The following EIPR1 variants were observed in gnomAD, a reference collection of about 807,000 sequenced individuals.
The protein encoded by EIPR1 is EARP and GARP complex-interacting protein 1.
A neutral mutation model predicts 48.1 loss-of-function variants in EIPR1; 25 were observed. The ratio of observed to expected loss-of-function variants is 0.52; its 90% CI spans 0.38 to 0.73. EIPR1 has a LOEUF of 0.73. Ranked by LOEUF, EIPR1 falls within the 30% of genes least tolerant of loss-of-function variation. EIPR1 has a pLI of 0.00. For synonymous variants in EIPR1, 204 were observed against 201.9 expected, an observed-to-expected ratio of 1.01 and a Z score of -0.09; for missense variants, 415 against 506.2, an observed-to-expected ratio of 0.82 and a Z score of 1.73.
chr2:3,198,880 C>T (rs1489751382), intron 5 of EIPR1, among the ~76,000 whole-genome samples: 1 of 152,128 alleles, frequency 6.6e-6, no homozygotes, highest in Admixed American at 6.5e-5. Context: ...ACTGTGCTTG[C>T]ATTGTCATTG....
intron 4 of EIPR1, among the ~76,000 whole-genome samples, chr2:3,255,265 C>T (rs755936153): frequency 1.3e-5 from 2 of 151,742 alleles, no homozygotes; most frequent in Non-Finnish European, 2.9e-5. Flanking sequence ...TCACTGCAAC[C>T]TCCGCCTCCC....
chr2:3,297,120 C>A (rs1250576784), intron 3 of EIPR1, among the ~76,000 whole-genome samples: 1 of 152,242 alleles, frequency 6.6e-6, no homozygotes, highest in Non-Finnish European at 1.5e-5. Flanking sequence ...GTGTCTGTGG[C>A]TCCAGCATTT....
At chr2:3,277,110 G>C (rs1055534229) in intron 3 of EIPR1, among the ~76,000 whole-genome samples, 7 of 152,136 alleles carry the variant, frequency 4.6e-5, no homozygotes, top group African/African-American at 1.7e-4. Flanking sequence ...CAAAAACCCT[G>C]CCCATTTAGA....
intron 5 of EIPR1, among the ~76,000 whole-genome samples, chr2:3,211,536 G>A (rs976582792): frequency 6.6e-6 from 1 of 152,216 alleles, no homozygotes; most frequent in Non-Finnish European, 1.5e-5. Context: ...TGCTGCTGTC[G>A]CTAGGAGTGC....
intron 3 of EIPR1, among the ~76,000 whole-genome samples, chr2:3,293,229 G>A (rs1045039987): frequency 2.0e-5 from 3 of 152,174 alleles, no homozygotes; most frequent in African/African-American, 2.4e-5. Context: ...CCCTTGAGCC[G>A]GCCTGCAGCA....
At chr2:3,268,717 C>T (rs1167487268) in intron 3 of EIPR1, among the ~76,000 whole-genome samples, 2 of 152,200 alleles carry the variant, frequency 1.3e-5, no homozygotes, top group South Asian at 2.1e-4. Flanking sequence ...AAGCTTTGGG[C>T]ACCTCAGATA....
rs565468701 is a variant in EIPR1 at position 3,205,264 on chromosome 2, T to A, written c.517-8247A>T. 3.9e-5 allele frequency among the ~76,000 whole-genome samples: 6 copies of A among 152,330 alleles called. No individual in the cohort carries two copies. The South Asian group carries it at 1.0e-3, about 26-fold the overall frequency. On this transcript the variant is annotated intron_variant, in intron 5 of 8. Coordinates refer to ENST00000382125, the MANE Select transcript of EIPR1 (RefSeq NM_003310.5). ...TGCTCTGAGCTGAGCAGGAGGAAAC[T>A]GTTCTCGCCAATGACTAGTTTAGAC...
chr2:3,214,188 G>C lies in EIPR1; in HGVS notation c.477C>G (p.Ile159Met). 6.2e-7 allele frequency: 1 copy of C among 1,613,682 alleles called. No homozygotes were observed. Among genetic ancestry groups the C allele is most frequent in the East Asian group, 2.2e-5 (1 of 44,860 alleles). Residue 159 changes from isoleucine to methionine, a missense_variant, in exon 5 of 9, where the codon ATC becomes ATG. Physicochemically the swap from Ile to Met is conservative, Grantham distance 10. Coordinates refer to ENST00000382125, the MANE Select transcript of EIPR1 (RefSeq NM_003310.5). Reference sequence around the variant, plus strand: ...AGCTTTCCTGTAAATCCCACAGCAGGATATGGTTATCAGCCAAGGAAATGA... The same window carrying C: ...AGCTTTCCTGTAAATCCCACAGCAGCATATGGTTATCAGCCAAGGAAATGA... ...KKIISLADNH[I>M]LLWDLQESSS...
chr2:3,335,137 C>G (rs1033353957), intron 3 of EIPR1, among the ~76,000 whole-genome samples: 3 of 152,234 alleles, frequency 2.0e-5, no homozygotes, highest in African/African-American at 7.2e-5. Context: ...AGAGCCCTGA[C>G]ACAGCCTGGT....
chr2:3,312,484 C>A lies in EIPR1; in HGVS notation c.259+25533G>T, dbSNP rs768355540. ...CTTCTCTCACTGCCTCCAAAATACA[C>A]CCTGTCCAATATTCCATCTCCAGGT... On this transcript the variant is annotated intron_variant, in intron 3 of 8. Transcript: ENST00000382125. This position sits in a 1 kb window ranked among gnomAD's most constrained non-coding sequence, Gnocchi z 5.5. 1.3e-5 allele frequency among the ~76,000 whole-genome samples: 2 copies of A among 152,210 alleles called. No homozygotes were observed. Among genetic ancestry groups the A allele is most frequent in the Non-Finnish European group, 2.9e-5 (2 of 68,034 alleles).
chr2:3,325,752 T>C (rs1340988383), intron 3 of EIPR1, among the ~76,000 whole-genome samples: 1 of 152,258 alleles, frequency 6.6e-6, no homozygotes, highest in African/African-American at 2.4e-5. Context: ...GTTTGCATTC[T>C]ACTTTGTAAC....
At chr2:3,207,154 C>T (rs918692114) in intron 5 of EIPR1, among the ~76,000 whole-genome samples, 1 of 152,146 alleles carries the variant, frequency 6.6e-6, no homozygotes, top group African/African-American at 2.4e-5. Context: ...CCCATCCACG[C>T]GTCCACCCAC....
At chr2:3,371,525 G>C in intron 1 of EIPR1, among the ~76,000 whole-genome samples, 1 of 152,094 alleles carries the variant, frequency 6.6e-6, no homozygotes, top group East Asian at 1.9e-4. Context: ...CAAAATAAAA[G>C]GATGGAGGAA....
chr2:3,230,131 A>G (rs554230238), intron 4 of EIPR1, among the ~76,000 whole-genome samples: 2 of 138,690 alleles, frequency 1.4e-5, no homozygotes, highest in African/African-American at 5.2e-5. Context: ...GGCTTGGTAA[A>G]AGTTATTCCT....
intron 2 of EIPR1, among the ~76,000 whole-genome samples, chr2:3,340,386 C>A (rs572463239): frequency 1.3e-5 from 2 of 152,176 alleles, no homozygotes; most frequent in Non-Finnish European, 2.9e-5. Context: ...CATGCGCGCC[C>A]GCCCTCTCCA....
chr2:3,219,973 A>C (rs1414125793), intron 4 of EIPR1, among the ~76,000 whole-genome samples: 1 of 152,194 alleles, frequency 6.6e-6, no homozygotes, highest in Non-Finnish European at 1.5e-5. Flanking sequence ...TTACAGCCTG[A>C]GCTCTGTCTC....
At chr2:3,230,174 A>G (rs1666197760) in intron 4 of EIPR1, among the ~76,000 whole-genome samples, 1 of 152,070 alleles carries the variant, frequency 6.6e-6, no homozygotes, top group Non-Finnish European at 1.5e-5. Flanking sequence ...TGTAAATGGA[A>G]CTGTTTTCCT....
chr2:3,262,111 T>G (rs953138135), intron 3 of EIPR1: 1 of 152,064 alleles, frequency 6.6e-6, no homozygotes, highest in Non-Finnish European at 1.5e-5. Flanking sequence ...ATGATGTGTG[T>G]ACACAGACCG....
chr2:3,351,064 T>TCTCGGCTCACTGCAAC (rs1670562034), intron 2 of EIPR1, among the ~76,000 whole-genome samples: 1 of 149,918 alleles, frequency 6.7e-6, no homozygotes, highest in Non-Finnish European at 1.5e-5. Context: ...AGTGGTGCGA[T>TCTCGGCTCACTGCAAC]CTCGGCTCAC....
Sources: gnomAD v4.1 joint callset for allele counts (sites outside exome capture counted in the v4.1 genomes callset) on GRCh38, gnomAD v4.1.1 for gene constraint, Gnocchi (gnomAD v3.1) non-coding constraint, MANE v1.5 for transcripts, NCBI Gene and HGNC (gene_info 2026-07-23, HGNC 2026-07-21) for gene names.